Variants in SPAG9 observed in about 807,000 individuals in gnomAD.
SPAG9 encodes C-Jun-amino-terminal kinase-interacting protein 4.
SPAG9 carries 35 observed loss-of-function variants against 166.5 expected under a neutral mutation model. The ratio of observed to expected loss-of-function variants is 0.21; its 90% CI spans 0.16 to 0.28. SPAG9 has a LOEUF of 0.28. Ranked by LOEUF, SPAG9 falls within the 10% of genes least tolerant of loss-of-function variation. The pLI is 1.00. For synonymous variants in SPAG9, 534 were observed against 565.5 expected (o/e 0.94, Z 0.79); for missense variants, 1,235 against 1,603.3 (o/e 0.77, Z 3.92).
chr17:50,987,796 A>G (rs1975173867), intron 21 of SPAG9, among the ~76,000 whole-genome samples: 1 of 152,244 alleles, frequency 6.6e-6, no homozygotes, highest in South Asian at 2.1e-4. Context: ...AGAATGACCT[A>G]AAATAAATTA....
intron 1 of SPAG9, among the ~76,000 whole-genome samples, chr17:51,095,926 G>T (rs1243251051): frequency 7.9e-6 from 1 of 126,686 alleles, no homozygotes; most frequent in East Asian, 2.1e-4. Context: ...TATATATAGT[G>T]ATATATATAG....
At chr17:51,058,605 CA>C (rs1476711604) in intron 2 of SPAG9, among the ~76,000 whole-genome samples, 1 of 152,104 alleles carries the variant, frequency 6.6e-6, no homozygotes, top group African/African-American at 2.4e-5. Context: ...ATGCTTCAAA[CA>C]AAAAACTCCT....
At chr17:51,091,984 T>TAAAA (rs66581264) in intron 1 of SPAG9, among the ~76,000 whole-genome samples, 1 of 129,270 alleles carries the variant, frequency 7.7e-6, no homozygotes, top group Non-Finnish European at 1.6e-5. Flanking sequence ...CTCCCAAAGT[T>TAAAA]AAAAAAAAAA....
intron 25 of SPAG9, among the ~76,000 whole-genome samples, chr17:50,981,808 G>T (rs1396316810): frequency 6.6e-6 from 1 of 151,610 alleles, no homozygotes; most frequent in East Asian, 1.9e-4. Flanking sequence ...AAGGTGGGCG[G>T]ATCACGAGGT....
intron 1 of SPAG9, among the ~76,000 whole-genome samples, chr17:51,107,028 G>A (rs1357688588): frequency 1.3e-5 from 2 of 151,746 alleles, no homozygotes; most frequent in Admixed American, 1.3e-4. Flanking sequence ...CTTGAACCCG[G>A]GAGGCGGAGG....
rs149277558 is a variant in SPAG9 at position 51,074,015 on chromosome 17, T to C, written c.424+5569A>G. ...ACTTTGGGAGGCCGAGGCAGGTGGA[T>C]AACAAGGTCAGGAGATCGAGACCAT... is the stretch of plus-strand genomic sequence containing the variant. On this transcript the variant is annotated intron_variant, in intron 2 of 29. Coordinates refer to ENST00000262013, the MANE Select transcript of SPAG9 (RefSeq NM_001130528.3). Among the ~76,000 whole-genome samples the C allele has an allele frequency of 3.2e-3, 491 of 151,862 alleles. 2 individuals carry two copies. Among genetic ancestry groups the C allele is most frequent in the African/African-American group, 0.011 (472 of 41,400 alleles).
At chr17:50,996,542 C>T in intron 16 of SPAG9, 23 bp downstream of exon 16, 1 of 1,613,812 alleles carries the variant, frequency 6.2e-7, no homozygotes, top group Non-Finnish European at 8.5e-7. Flanking sequence ...CTGCTGGATG[C>T]TCTTACCACA....
At chr17:51,060,763 A>C (rs2047487377) in intron 2 of SPAG9, among the ~76,000 whole-genome samples, 1 of 152,080 alleles carries the variant, frequency 6.6e-6, no homozygotes, top group African/African-American at 2.4e-5. Context: ...CTGCTATTGA[A>C]GCCACCCAGT....
chr17:51,080,409 C>T (rs977834653), intron 1 of SPAG9, among the ~76,000 whole-genome samples: 15 of 151,960 alleles, frequency 9.9e-5, no homozygotes, highest in Admixed American at 6.6e-4. Flanking sequence ...TGGCATGCTC[C>T]GTCCTTGGAC....
At chr17:51,071,080 T>C (rs2047809278) in intron 2 of SPAG9, among the ~76,000 whole-genome samples, 1 of 152,086 alleles carries the variant, frequency 6.6e-6, no homozygotes, top group Admixed American at 6.6e-5. Flanking sequence ...CTCCCCCCAC[T>C]AAACTATGAT....
At chr17:51,019,174 A>G (rs1040011618) in intron 8 of SPAG9, among the ~76,000 whole-genome samples, 1 of 152,204 alleles carries the variant, frequency 6.6e-6, no homozygotes, top group African/African-American at 2.4e-5. Flanking sequence ...ACTTGAAAGC[A>G]AAGAGCAGCC....
intron 1 of SPAG9, among the ~76,000 whole-genome samples, chr17:51,094,321 A>G (rs1184326221): frequency 6.6e-6 from 1 of 152,230 alleles, no homozygotes; most frequent in African/African-American, 2.4e-5. Context: ...AACCAAAACT[A>G]TAAGAAATAA....
At chr17:51,047,308 G>A in intron 4 of SPAG9, 67 bp downstream of exon 4, 1 of 926,146 alleles carries the variant, frequency 1.1e-6, no homozygotes, top group Non-Finnish European at 1.6e-6. Context: ...AAAGAACAGA[G>A]AAAAACAGAA....
Position 51,011,955 on chromosome 17 carries a change from C to A in SPAG9, c.1213+2277G>T, listed in dbSNP as rs932338383. Among the ~76,000 whole-genome samples the A allele has an allele frequency of 1.3e-4, 20 of 152,216 alleles. 1 individual carries two copies. Among genetic ancestry groups the A allele is most frequent in the South Asian group, 2.1e-4 (1 of 4,818 alleles). Reference sequence around the variant, plus strand: ...CTTCATAAGAAAAGAAAGTTTGGGGCCACCAACCTTAAACATTTTATCACT... The same window carrying A: ...CTTCATAAGAAAAGAAAGTTTGGGGACACCAACCTTAAACATTTTATCACT... On this transcript the variant is annotated intron_variant, in intron 9 of 29. Coordinates refer to ENST00000262013, the MANE Select transcript of SPAG9 (RefSeq NM_001130528.3).
intron 1 of SPAG9, among the ~76,000 whole-genome samples, chr17:51,097,552 C>T (rs1328313628): frequency 6.6e-6 from 1 of 152,058 alleles, no homozygotes; most frequent in East Asian, 1.9e-4. Flanking sequence ...ATTATATACA[C>T]ACACACACAT....
chr17:51,016,901 G>A (rs773703305), intron 8 of SPAG9, among the ~76,000 whole-genome samples: 5 of 152,104 alleles, frequency 3.3e-5, no homozygotes, highest in South Asian at 2.1e-4. Flanking sequence ...ACTCCGTCTC[G>A]GAGGAGGGAA....
intron 9 of SPAG9, among the ~76,000 whole-genome samples, chr17:51,012,265 G>A (rs2045516456): frequency 6.6e-6 from 1 of 151,974 alleles, no homozygotes; most frequent in Non-Finnish European, 1.5e-5. Flanking sequence ...TAAAAATGGA[G>A]TATTCCTTAA....
rs1567987934 is a variant in SPAG9 at position 51,005,274 on chromosome 17, A to G, written c.1425-11T>C. 1 of 1,613,246 alleles carries G rather than the reference A, an allele frequency of 6.2e-7. No individual in the cohort carries two copies. Among genetic ancestry groups the G allele is most frequent in the South Asian group, 1.1e-5 (1 of 90,990 alleles). On this transcript the variant is annotated splice_polypyrimidine_tract_variant and intron_variant, in intron 11 of 29. Transcript: ENST00000262013. ...GCTTCTGCCCGAGCTCTAGTGGGGAAAAAACAAAACAAAACATGTTATTTG... is the reference window on the plus strand; with the variant it reads ...GCTTCTGCCCGAGCTCTAGTGGGGAGAAAACAAAACAAAACATGTTATTTG...
At chr17:51,088,772 T>C (rs1218629339) in intron 1 of SPAG9, among the ~76,000 whole-genome samples, 1 of 150,602 alleles carries the variant, frequency 6.6e-6, no homozygotes, top group African/African-American at 2.5e-5. Flanking sequence ...CACTCCAGCC[T>C]GGGCAACACA....
Sources: allele counts gnomAD v4.1 joint callset (sites outside exome capture counted in the v4.1 genomes callset), GRCh38; gene constraint gnomAD v4.1.1; transcripts MANE v1.5; gene names NCBI Gene and HGNC (gene_info 2026-07-23, HGNC 2026-07-21).